Variants in ASIC2 observed in about 807,000 individuals in gnomAD.
ASIC2 encodes the protein acid sensing ion channel subunit 2.
A neutral mutation model predicts 57.3 loss-of-function variants in ASIC2; 25 were observed. The observed-to-expected ratio is 0.44, with a 90% CI of 0.32 to 0.61. ASIC2 has a LOEUF of 0.61. ASIC2 is among the 20% of genes least tolerant of loss of function. The probability of loss-of-function intolerance (pLI) is 0.06; values close to 1 mark genes in which losing one functional copy is unlikely to be tolerated. For synonymous variants in ASIC2, 319 were observed against 307.5 expected (o/e 1.04, Z -0.39); for missense variants, 641 against 738.1 (o/e 0.87, Z 1.52).
intron 2 of ASIC2, among the ~76,000 whole-genome samples, chr17:33,109,807 G>A (rs1387753827): frequency 6.6e-6 from 1 of 152,228 alleles, no homozygotes; most frequent in African/African-American, 2.4e-5. Flanking sequence ...CTCACTGCAT[G>A]ACTTCAAAGA....
chr17:33,403,966 C>T (rs771810145), intron 1 of ASIC2, among the ~76,000 whole-genome samples: 9 of 152,154 alleles, frequency 5.9e-5, no homozygotes, highest in African/African-American at 1.2e-4. Flanking sequence ...TAGTGGCTAC[C>T]GGGATTTCTA....
In ASIC2 at chr17:34,074,265, T is replaced by G. The variant is rs145135719; in HGVS notation, c.555+81713A>C. Among the ~76,000 whole-genome samples the G allele has an allele frequency of 1.8e-3, 277 of 152,292 alleles. 3 individuals are homozygous for G. Among genetic ancestry groups the G allele is most frequent in the African/African-American group, 6.3e-3 (260 of 41,570 alleles). ...AGGATCTCTGTGCTGCCATTAGAGC[T>G]CTATCCCAAGGGGCTAGGCACTGAA... On this transcript the variant is annotated intron_variant, in intron 1 of 9. Coordinates refer to the ASIC2 transcript ENST00000359872.
intron 1 of ASIC2, among the ~76,000 whole-genome samples, chr17:33,370,987 ACACGCC>A (rs1909037983): frequency 2.2e-5 from 2 of 90,538 alleles, no homozygotes; most frequent in Admixed American, 2.3e-4. Flanking sequence ...AAGAGGAGGA[ACACGCC>A]CACTCTAGGT....
intron 1 of ASIC2, among the ~76,000 whole-genome samples, chr17:33,780,708 C>T (rs9891290): frequency 0.046 from 6,955 of 152,280 alleles, 358 homozygotes; most frequent in African/African-American, 0.13. Context: ...CCCCAGAACC[C>T]AGGTACCAGG....
intron 1 of ASIC2, among the ~76,000 whole-genome samples, chr17:33,897,344 T>C (rs1459375452): frequency 6.6e-6 from 1 of 152,226 alleles, no homozygotes; most frequent in Non-Finnish European, 1.5e-5. Context: ...TCCTTCCCTC[T>C]GCATTTCACA....
chr17:33,556,591 T>C (rs12601598), intron 1 of ASIC2, among the ~76,000 whole-genome samples: 16,397 of 152,248 alleles, frequency 0.11, 2,345 homozygotes, highest in African/African-American at 0.33. Context: ...TGAAGCATAA[T>C]GAAATAGATT....
At chr17:33,488,230 T>G (rs1913638141) in intron 1 of ASIC2, among the ~76,000 whole-genome samples, 1 of 152,264 alleles carries the variant, frequency 6.6e-6, no homozygotes, top group South Asian at 2.1e-4. Flanking sequence ...TTGCTTTCCG[T>G]TGTGCTCCTT....
At chr17:33,166,784 A>G (rs319771) in intron 1 of ASIC2, among the ~76,000 whole-genome samples, 110,821 of 152,162 alleles carry the variant, frequency 0.73, 40,501 homozygotes, top group African/African-American at 0.76. Flanking sequence ...ACGGTATTGC[A>G]TAAAGGCTGG....
chr17:33,892,007 G>A (rs955469602), intron 1 of ASIC2, among the ~76,000 whole-genome samples: 2 of 151,998 alleles, frequency 1.3e-5, no homozygotes, highest in African/African-American at 2.4e-5. Flanking sequence ...AATCTGCTTT[G>A]TTTATTTTAA....
At chr17:33,441,959 A>G (rs957503542) in intron 1 of ASIC2, among the ~76,000 whole-genome samples, 1 of 152,206 alleles carries the variant, frequency 6.6e-6, no homozygotes, top group Non-Finnish European at 1.5e-5. Context: ...AATGAGTGAG[A>G]AAATATATTT....
intron 1 of ASIC2, among the ~76,000 whole-genome samples, chr17:33,262,189 C>T (rs1487548330): frequency 6.6e-6 from 1 of 152,218 alleles, no homozygotes; most frequent in Non-Finnish European, 1.5e-5. Flanking sequence ...TCCCTGGAAA[C>T]AGGCTTACCA....
chr17:34,088,065 T>G (rs1241259487), intron 1 of ASIC2, among the ~76,000 whole-genome samples: 1 of 152,254 alleles, frequency 6.6e-6, no homozygotes, highest in Non-Finnish European at 1.5e-5. Flanking sequence ...CCATCCAGCT[T>G]TGTTCCATTG....
intron 1 of ASIC2, among the ~76,000 whole-genome samples, chr17:33,818,056 G>A (rs1912639128): frequency 6.6e-6 from 1 of 152,136 alleles, no homozygotes; most frequent in Admixed American, 6.5e-5. Context: ...ACCAGCCTTG[G>A]AGGTCATGAA....
chr17:34,039,492 G>T, intron 1 of ASIC2: 1 of 1,613,726 alleles, frequency 6.2e-7, no homozygotes, highest in Non-Finnish European at 8.5e-7. Context: ...AACCATAGAG[G>T]GGCTGTTCTA....
Position 33,886,585 on chromosome 17 carries a change from T to A in ASIC2, c.555+269393A>T, listed in dbSNP as rs369038576. On this transcript the variant is annotated intron_variant, in intron 1 of 9. Coordinates refer to the ASIC2 transcript ENST00000359872. Reference sequence around the variant, plus strand: ...TTGTACAGGCAAAGAAGCAAAGGCTTAAGGAAGTTAAACAAATATAGTAAG... The same window carrying A: ...TTGTACAGGCAAAGAAGCAAAGGCTAAAGGAAGTTAAACAAATATAGTAAG... Among the ~76,000 whole-genome samples, 53 of 152,204 alleles carry A rather than the reference T, an allele frequency of 3.5e-4. No homozygotes were observed. In the East Asian group the frequency reaches 7.7e-3, roughly 22 times the overall value.
chr17:33,712,675 T>C (rs2142077442), intron 1 of ASIC2, among the ~76,000 whole-genome samples: 1 of 139,768 alleles, frequency 7.2e-6, no homozygotes, highest in Admixed American at 7.4e-5. Context: ...AGACGGAGTC[T>C]TGCTCTGTCG....
chr17:33,593,997 A>G (rs1203830869), intron 1 of ASIC2, among the ~76,000 whole-genome samples: 5 of 152,162 alleles, frequency 3.3e-5, no homozygotes, highest in African/African-American at 7.2e-5. Flanking sequence ...TCAAATTTTC[A>G]TCCCTATTCC....
intron 1 of ASIC2, among the ~76,000 whole-genome samples, chr17:33,404,259 A>G (rs1191458580): frequency 6.6e-6 from 1 of 152,210 alleles, no homozygotes; most frequent in Non-Finnish European, 1.5e-5. Flanking sequence ...GATTATGGTG[A>G]TGATTGCACA....
intron 1 of ASIC2, among the ~76,000 whole-genome samples, chr17:33,230,036 G>T (rs1037659436): frequency 1.4e-4 from 21 of 152,216 alleles, no homozygotes; most frequent in Non-Finnish European, 5.9e-5. Context: ...GCCAAGGATG[G>T]TTATGCAGGA....
Sources: gnomAD v4.1 joint callset for allele counts (sites outside exome capture counted in the v4.1 genomes callset) on GRCh38, gnomAD v4.1.1 for gene constraint, MANE v1.5 for transcripts, NCBI Gene and HGNC (gene_info 2026-07-23, HGNC 2026-07-21) for gene names.